TNIP3: variants seen among roughly 807,000 people sequenced by gnomAD.
TNIP3 encodes the protein TNFAIP3-interacting protein 3.
In TNIP3, 34 loss-of-function variants were observed where a neutral mutation model predicts 54.1. The ratio of observed to expected loss-of-function variants is 0.63; its 90% CI spans 0.48 to 0.84. The LOEUF is 0.84. TNIP3 is among the 40% of genes least tolerant of loss of function. The probability of loss-of-function intolerance (pLI) is 0.00; values close to 1 mark genes in which losing one functional copy is unlikely to be tolerated. For synonymous variants in TNIP3, 134 were observed against 136.8 expected, an observed-to-expected ratio of 0.98 and a Z score of 0.14; for missense variants, 366 against 387.6, an observed-to-expected ratio of 0.94 and a Z score of 0.47.
At position 121,157,246 on chromosome 4, in the gene TNIP3, G is replaced by T. The variant is rs1449832240; in HGVS notation, c.214-3C>A. The T allele has an allele frequency of 1.2e-6, 2 of 1,614,064 alleles. No homozygotes were observed. Among genetic ancestry groups the T allele is most frequent in the South Asian group, 1.1e-5 (1 of 91,070 alleles). On this transcript the variant is annotated splice_region_variant and splice_polypyrimidine_tract_variant and intron_variant, in intron 3 of 10. Coordinates refer to ENST00000057513, the MANE Select transcript of TNIP3 (RefSeq NM_024873.6). The stretch of plus-strand genomic sequence containing the variant: ...AGTTTCGTCTTCAGCTCTGCTACCT[G>T]AGGAGGTCGTTCAAAGACAGCTGCA...
intron 3 of TNIP3, among the ~76,000 whole-genome samples, chr4:121,176,140 A>G (rs1724313292): frequency 6.6e-6 from 1 of 152,234 alleles, no homozygotes; most frequent in African/African-American, 2.4e-5. Flanking sequence ...AGGGCTTATA[A>G]TACTTTCAGA....
intron 2 of TNIP3, among the ~76,000 whole-genome samples, chr4:121,211,527 T>C (rs1726478017): frequency 6.6e-6 from 1 of 152,224 alleles, no homozygotes; most frequent in African/African-American, 2.4e-5. Context: ...CTCTAGTCTC[T>C]TCATTTCCCC....
In TNIP3 at chr4:121,158,825, C is replaced by T. The variant is rs969073930; in HGVS notation, c.148-73G>A. On this transcript the variant is annotated intron_variant, in intron 2 of 10. Transcript: ENST00000057513. The stretch of plus-strand genomic sequence containing the variant: ...TGGAAGTTTGGTCAAAAAGAAATTA[C>T]TTTCTGAGCTTATTAAGGTTTTAGA... The T allele has an allele frequency of 2.4e-5, 29 of 1,221,612 alleles. No individual in the cohort carries two copies. In the Admixed American group the frequency reaches 4.9e-4, roughly 21 times the overall value. 75.7% of individuals were successfully genotyped at this position (1,221,612 alleles called of 1,614,324 possible).
chr4:121,208,133 G>A (rs995405364), intron 2 of TNIP3, among the ~76,000 whole-genome samples: 2 of 152,104 alleles, frequency 1.3e-5, no homozygotes, highest in African/African-American at 2.4e-5. Context: ...GTCTTTATCA[G>A]CAGCATGAAA....
chr4:121,183,357 C>A (rs951354969), intron 2 of TNIP3, among the ~76,000 whole-genome samples: 1 of 152,228 alleles, frequency 6.6e-6, no homozygotes, highest in Non-Finnish European at 1.5e-5. Flanking sequence ...TATATTACAG[C>A]TGAAGAGTAT....
intron 3 of TNIP3, among the ~76,000 whole-genome samples, chr4:121,169,383 T>C (rs1347299095): frequency 6.6e-6 from 1 of 152,226 alleles, no homozygotes; most frequent in Non-Finnish European, 1.5e-5. Context: ...GAGTCTTTAC[T>C]TGGCCTCCCA....
At chr4:121,141,139 C>T (rs1729093515) in intron 9 of TNIP3, among the ~76,000 whole-genome samples, 1 of 151,896 alleles carries the variant, frequency 6.6e-6, no homozygotes, top group African/African-American at 2.4e-5. Context: ...ATATTTTTTT[C>T]CTGGATAAAT....
intron 7 of TNIP3, among the ~76,000 whole-genome samples, chr4:121,144,829 A>C (rs1276061817): frequency 6.6e-6 from 1 of 152,230 alleles, no homozygotes; most frequent in Non-Finnish European, 1.5e-5. Context: ...GAGAGATTTT[A>C]GAGTAATAAG....
At chr4:121,156,423 C>A (rs1730090825) in intron 4 of TNIP3, among the ~76,000 whole-genome samples, 1 of 152,172 alleles carries the variant, frequency 6.6e-6, no homozygotes, top group Non-Finnish European at 1.5e-5. Context: ...TCAATTGTCA[C>A]CATCCAGTTC....
chr4:121,196,328 G>T (rs991573661), intron 2 of TNIP3, among the ~76,000 whole-genome samples: 3 of 152,206 alleles, frequency 2.0e-5, no homozygotes, highest in Non-Finnish European at 2.9e-5. Flanking sequence ...AATTAAGACA[G>T]ATCAACTAGT....
At chr4:121,213,727 A>G (rs1467377515) in intron 2 of TNIP3, among the ~76,000 whole-genome samples, 3 of 103,830 alleles carry the variant, frequency 2.9e-5, no homozygotes, top group African/African-American at 1.2e-4. Flanking sequence ...ACTCCGTCTC[A>G]AAAAAAAAAA....
At chr4:121,205,432 G>A (rs957883051) in intron 2 of TNIP3, among the ~76,000 whole-genome samples, 1 of 152,090 alleles carries the variant, frequency 6.6e-6, no homozygotes, top group Non-Finnish European at 1.5e-5. Flanking sequence ...AAGGAGGTTC[G>A]TGGGCATTGT....
intron 10 of TNIP3, among the ~76,000 whole-genome samples, chr4:121,133,447 G>A (rs1203205347): frequency 6.6e-6 from 1 of 152,142 alleles, no homozygotes; most frequent in Non-Finnish European, 1.5e-5. Context: ...TATCTAATAT[G>A]TTGAGAACAT....
chr4:121,191,752 T>C (rs1725321746), intron 2 of TNIP3, among the ~76,000 whole-genome samples: 1 of 152,218 alleles, frequency 6.6e-6, no homozygotes, highest in Admixed American at 6.5e-5. Flanking sequence ...AAGTAAAGAT[T>C]ATTATCATAT....
chr4:121,134,067 C>G (rs1434804661), intron 10 of TNIP3, among the ~76,000 whole-genome samples: 1 of 152,106 alleles, frequency 6.6e-6, no homozygotes, highest in East Asian at 1.9e-4. Context: ...TCCTAGGAGA[C>G]AAATCCAGTC....
chr4:121,200,650 A>C (rs555318820), intron 2 of TNIP3, among the ~76,000 whole-genome samples: 12 of 152,274 alleles, frequency 7.9e-5, no homozygotes, highest in Non-Finnish European at 1.2e-4. Flanking sequence ...CAAACACTTA[A>C]TGCCAAAGCT....
intron 2 of TNIP3, among the ~76,000 whole-genome samples, chr4:121,192,107 T>C (rs1400325272): frequency 6.6e-6 from 1 of 152,212 alleles, no homozygotes; most frequent in Non-Finnish European, 1.5e-5. Context: ...GGAATTTCCT[T>C]TCAAGACATG....
At chr4:121,146,184 T>C (rs1452591175) in intron 7 of TNIP3, among the ~76,000 whole-genome samples, 1 of 152,316 alleles carries the variant, frequency 6.6e-6, no homozygotes, top group Non-Finnish European at 1.5e-5. Flanking sequence ...ATTTTTTCCA[T>C]GTAAAATTAA....
At chr4:121,211,838 T>C (rs186070730) in intron 2 of TNIP3, among the ~76,000 whole-genome samples, 30 of 152,294 alleles carry the variant, frequency 2.0e-4, no homozygotes, top group Non-Finnish European at 3.2e-4. Context: ...GATTTAAAAT[T>C]CATTCAGCTG....
Sources: allele counts gnomAD v4.1 joint callset (sites outside exome capture counted in the v4.1 genomes callset), GRCh38; gene constraint gnomAD v4.1.1; transcripts MANE v1.5; gene names NCBI Gene and HGNC (gene_info 2026-07-23, HGNC 2026-07-21).